SGIP1: variants seen among roughly 807,000 people sequenced by gnomAD.
The protein encoded by SGIP1 is SH3GL interacting endocytic adaptor 1, also known as SH3-containing GRB2-like protein 3-interacting protein 1.
Under a neutral mutation model 107.5 loss-of-function variants are expected in SGIP1, and 38 were observed. The ratio of observed to expected loss-of-function variants is 0.35; its 90% CI spans 0.27 to 0.46. SGIP1 has a LOEUF of 0.46. Among genes scored for constraint, SGIP1 ranks in the 20% least tolerant of loss-of-function variants. The probability of loss-of-function intolerance (pLI) is 1.00; values close to 1 mark genes in which losing one functional copy is unlikely to be tolerated. For synonymous variants in SGIP1, 365 were observed against 366.1 expected (o/e 1.00, Z 0.03); for missense variants, 929 against 1,019.5 (o/e 0.91, Z 1.21).
At chr1:66,569,089 T>G (rs1280201963) in intron 1 of SGIP1, among the ~76,000 whole-genome samples, 1 of 152,050 alleles carries the variant, frequency 6.6e-6, no homozygotes, top group South Asian at 2.1e-4. Flanking sequence ...ACTTGATCTC[T>G]TCTCCTGAGC....
At position 66,671,003 on chromosome 1, in the gene SGIP1, TA is replaced by T; in HGVS notation, c.496del (p.Arg166GlyfsTer21). 1 of 1,390,346 alleles carries T rather than the reference TA, an allele frequency of 7.2e-7. No homozygotes were observed. Among genetic ancestry groups the T allele is most frequent in the Non-Finnish European group, 1.0e-6 (1 of 1,004,800 alleles). The allele number at this position is 1,390,346 out of a possible 1,614,324, so 86.1% of individuals were successfully genotyped here. The part of the protein sequence containing the change: ...KSPRRSPGAI[K>X]RNLSSEEVAR... Reference sequence around the variant, plus strand: ...TCTATTTCTAATTCTAGGGTGCAATTAAAAGGAACTTATCCAGTAAGTATAT... The same window carrying T: ...TCTATTTCTAATTCTAGGGTGCAATTAAAGGAACTTATCCAGTAAGTATAT... On this transcript the variant is annotated frameshift_variant, in exon 10 of 25. Transcript: ENST00000371037. LOFTEE classifies it high-confidence loss of function.
At chr1:66,568,935 T>A (rs1281694256) in intron 1 of SGIP1, among the ~76,000 whole-genome samples, 1 of 151,926 alleles carries the variant, frequency 6.6e-6, no homozygotes, top group Non-Finnish European at 1.5e-5. Flanking sequence ...GCACAGAGCA[T>A]GTGGCACAGA....
chr1:66,676,395 G>T (rs1306948056), intron 12 of SGIP1, among the ~76,000 whole-genome samples: 1 of 152,190 alleles, frequency 6.6e-6, no homozygotes, highest in Non-Finnish European at 1.5e-5. Context: ...GAGAAGAAAT[G>T]TTAAATTCAG....
chr1:66,692,630 G>T (rs188365412), intron 17 of SGIP1, among the ~76,000 whole-genome samples: 1 of 152,162 alleles, frequency 6.6e-6, no homozygotes, highest in Non-Finnish European at 1.5e-5. Flanking sequence ...TAGTCAAATG[G>T]TGTGAGGGAG....
chr1:66,599,055 G>A (rs1044226393), intron 1 of SGIP1, among the ~76,000 whole-genome samples: 1 of 152,130 alleles, frequency 6.6e-6, no homozygotes, highest in African/African-American at 2.4e-5. Flanking sequence ...CCCCTCATTA[G>A]TAAATAATTA....
At chr1:66,730,951 A>G (rs1572359970) in intron 20 of SGIP1, among the ~76,000 whole-genome samples, 1 of 151,322 alleles carries the variant, frequency 6.6e-6, no homozygotes, top group African/African-American at 2.4e-5. Flanking sequence ...TCCTCCCCAT[A>G]CCCCCACCAA....
At chr1:66,631,652 G>C (rs7528240) in intron 2 of SGIP1, among the ~76,000 whole-genome samples, 17,918 of 143,430 alleles carry the variant, frequency 0.12, 1,111 homozygotes, top group Middle Eastern at 0.14. Context: ...TCTCTGCATT[G>C]CTCTCTCTCT....
At chr1:66,562,034 A>T (rs946919740) in intron 1 of SGIP1, among the ~76,000 whole-genome samples, 4 of 151,874 alleles carry the variant, frequency 2.6e-5, no homozygotes, top group Non-Finnish European at 2.9e-5. Flanking sequence ...ACAGCTCCTG[A>T]CTTCCCAAAT....
chr1:66,628,803 G>T (rs1161352858), intron 2 of SGIP1, among the ~76,000 whole-genome samples: 1 of 151,998 alleles, frequency 6.6e-6, no homozygotes, highest in East Asian at 1.9e-4. Flanking sequence ...TCTCTCTGAG[G>T]TACTCTAACG....
At chr1:66,580,162 A>G (rs2061618286) in intron 1 of SGIP1, among the ~76,000 whole-genome samples, 1 of 152,108 alleles carries the variant, frequency 6.6e-6, no homozygotes, top group Admixed American at 6.6e-5. Context: ...ACATATTTTC[A>G]ATATACTTGA....
intron 18 of SGIP1, among the ~76,000 whole-genome samples, chr1:66,714,636 C>A (rs1352625010): frequency 6.6e-6 from 1 of 151,932 alleles, no homozygotes; most frequent in Admixed American, 6.6e-5. Context: ...ATTCTAAATG[C>A]CTATAGACAA....
chr1:66,626,120 C>G, intron 2 of SGIP1: 1 of 232,708 alleles, frequency 4.3e-6, no homozygotes, highest in Non-Finnish European at 8.2e-6. Context: ...CAGTTTTTAT[C>G]ACATTTTTCT....
In SGIP1 at chr1:66,558,538, G is replaced by A. The variant is rs115273889; in HGVS notation, c.10+24170G>A. The stretch of plus-strand genomic sequence containing the variant: ...CAACCCTGAAAGATTATGTTGTATT[G>A]CGAGTATCATTAATTAATAATAGCT... On this transcript the variant is annotated intron_variant, in intron 1 of 24. Coordinates refer to ENST00000371037, the MANE Select transcript of SGIP1 (RefSeq NM_032291.4). Among the ~76,000 whole-genome samples, 348 of 151,998 alleles carry A rather than the reference G, an allele frequency of 2.3e-3. 1 individual carries two copies. Among genetic ancestry groups the A allele is most frequent in the African/African-American group, 8.3e-3 (343 of 41,478 alleles).
chr1:66,575,153 A>G (rs2060890326), intron 1 of SGIP1, among the ~76,000 whole-genome samples: 1 of 152,182 alleles, frequency 6.6e-6, no homozygotes, highest in African/African-American at 2.4e-5. Context: ...CCTTCTGCTT[A>G]GAAGGCTTGG....
intron 1 of SGIP1, among the ~76,000 whole-genome samples, chr1:66,572,457 C>T (rs2060510978): frequency 6.6e-6 from 1 of 152,012 alleles, no homozygotes; most frequent in Admixed American, 6.6e-5. Flanking sequence ...TACCTAATTG[C>T]TTTGTGTTGA....
chr1:66,740,239 T>G (rs1011971916), intron 22 of SGIP1, among the ~76,000 whole-genome samples: 2 of 152,188 alleles, frequency 1.3e-5, no homozygotes, highest in African/African-American at 4.8e-5. Flanking sequence ...TATAAAGGAC[T>G]TGTTCTAGAA....
At chr1:66,629,773 A>C (rs979158691) in intron 2 of SGIP1, among the ~76,000 whole-genome samples, 1 of 152,218 alleles carries the variant, frequency 6.6e-6, no homozygotes, top group African/African-American at 2.4e-5. Flanking sequence ...ACACATGCCC[A>C]AGTGTCTGAG....
intron 1 of SGIP1, among the ~76,000 whole-genome samples, chr1:66,616,709 A>G (rs1182843222): frequency 6.6e-6 from 1 of 152,224 alleles, no homozygotes; most frequent in African/African-American, 2.4e-5. Context: ...GCATCATTAC[A>G]TTAATATTGG....
intron 14 of SGIP1, among the ~76,000 whole-genome samples, chr1:66,681,110 A>G (rs897062082): frequency 6.6e-6 from 1 of 152,220 alleles, no homozygotes; most frequent in Admixed American, 6.5e-5. Context: ...AATTATTTAA[A>G]AATTTTTAAA....
Sources: gnomAD v4.1 joint callset for allele counts (sites outside exome capture counted in the v4.1 genomes callset) on GRCh38, gnomAD v4.1.1 for gene constraint, MANE v1.5 for transcripts, NCBI Gene and HGNC (gene_info 2026-07-23, HGNC 2026-07-21) for gene names.